Variants in ZNF76 observed in about 807,000 individuals in gnomAD.
ZNF76 encodes zinc finger protein 76, also known as zinc finger protein 523.
A neutral mutation model predicts 66.9 loss-of-function variants in ZNF76; 66 were observed. The observed-to-expected ratio is 0.99, with a 90% CI of 0.81 to 1.21. The LOEUF is 1.21. Ranked by LOEUF, ZNF76 falls within the 50% of genes most tolerant of loss-of-function variation. The pLI is 0.00. For synonymous variants in ZNF76, 275 were observed against 296.1 expected, an observed-to-expected ratio of 0.93 and a Z score of 0.73; for missense variants, 729 against 760.3, an observed-to-expected ratio of 0.96 and a Z score of 0.48.
At position 35,272,509 on chromosome 6, in the gene ZNF76, G is replaced by GTGTGTGTGTGTA. The variant is rs1357691368; in HGVS notation, c.-96-8544_-96-8543insGTGTGTGTATGT. Among the ~76,000 whole-genome samples the GTGTGTGTGTGTA allele has an allele frequency of 4.5e-3, 500 of 112,278 alleles. 2 individuals carry two copies. The highest frequency in any genetic ancestry group is 9.7e-3 in the African/African-American group (317 of 32,594). 73.7% of individuals were successfully genotyped at this position (112,278 alleles called of 152,430 possible). ...TGTGTGTGTGTGTGTGTGTGTGTGT[G>GTGTGTGTGTGTA]TGTATGTATATGCACATATATATAT... On this transcript the variant is annotated intron_variant, in intron 1 of 13. Coordinates refer to ENST00000373953, the MANE Select transcript of ZNF76 (RefSeq NM_003427.5).
rs1458248477 is a variant in ZNF76 at position 35,287,736 on chromosome 6, G to A, written c.323G>A (p.Ser108Asn). ...CACCCTGTGGCTGTGCCATCGGAGA[G>A]CACCATCCTGGCCGTACAGACAGAG... Reference protein sequence around the residue: ...IHHPVAVPSESTILAVQTEVG... With the variant: ...IHHPVAVPSENTILAVQTEVG... The change falls in exon 5 of 14, where the codon AGC becomes AAC. Residue 108 changes from serine (S) to asparagine (N), a missense_variant. Physicochemically the swap from Ser to Asn is conservative, Grantham distance 46. Coordinates refer to ENST00000373953, the MANE Select transcript of ZNF76 (RefSeq NM_003427.5). The surrounding 1 kb of genome is among the most constrained non-coding windows in gnomAD (Gnocchi z 4.0). 6.2e-7 allele frequency: 1 copy of A among 1,614,200 alleles called. No homozygotes were observed.
intron 11 of ZNF76, 37 bp downstream of exon 11, chr6:35,293,081 G>A (rs4711413): frequency 0.034 from 54,608 of 1,604,446 alleles, 3,345 homozygotes; most frequent in East Asian, 0.32. Context: ...CATACTAGCT[G>A]GCACTCTCCA....
chr6:35,289,497 A>G (rs1790070890), intron 5 of ZNF76, among the ~76,000 whole-genome samples: 1 of 152,140 alleles, frequency 6.6e-6, no homozygotes, highest in Admixed American at 6.5e-5. Context: ...GAAAGACCAG[A>G]GTGTGATTCT....
At chr6:35,277,059 A>G (rs1788025248) in intron 1 of ZNF76, among the ~76,000 whole-genome samples, 1 of 151,508 alleles carries the variant, frequency 6.6e-6, no homozygotes, top group Non-Finnish European at 1.5e-5. Context: ...TCGGCCTCCC[A>G]AAGTGCTGGG....
chr6:35,260,501 G>C (rs931372444), intron 1 of ZNF76, among the ~76,000 whole-genome samples: 3 of 152,122 alleles, frequency 2.0e-5, no homozygotes, highest in Non-Finnish European at 2.9e-5. Flanking sequence ...CTCTCTCTGC[G>C]ATCCCAGCCC....
chr6:35,292,055 G>T lies in ZNF76; in HGVS notation c.931+318G>T. On this transcript the variant is annotated intron_variant, in intron 9 of 13. Transcript: ENST00000373953. This position sits in a 1 kb window ranked among gnomAD's most constrained non-coding sequence, Gnocchi z 4.7. ...AAAGAGGCCAGGGTCAGGAATGATG[G>T]GGAAGAAGCAGAGTGAACTGTCACC... The T allele has an allele frequency of 6.3e-6, 3 of 476,538 alleles. No homozygotes were observed. The highest frequency in any genetic ancestry group is 4.7e-5 in the South Asian group (2 of 42,896). 29.5% of individuals were successfully genotyped at this position (476,538 alleles called of 1,614,324 possible). A position where few individuals can be genotyped will look rare whatever the true frequency, so the allele number is the denominator to read the frequency against.
At chr6:35,277,962 C>T (rs551346947) in intron 1 of ZNF76, among the ~76,000 whole-genome samples, 1 of 152,042 alleles carries the variant, frequency 6.6e-6, no homozygotes, top group East Asian at 1.9e-4. Flanking sequence ...CAGGTTTATG[C>T]CATTCTTCTG....
In ZNF76 at chr6:35,292,880, G is replaced by A. The variant is rs144616098; in HGVS notation, c.1166-1G>A. ...TGTCAGCCTTGGCTCTCCTCTCCCAGCCGCCTCTGCAGCCGAGGAGAGTCC... is the reference window on the plus strand; with the variant it reads ...TGTCAGCCTTGGCTCTCCTCTCCCAACCGCCTCTGCAGCCGAGGAGAGTCC... On this transcript the variant is annotated splice_acceptor_variant, in intron 10 of 13. Coordinates refer to ENST00000373953, the MANE Select transcript of ZNF76 (RefSeq NM_003427.5). LOFTEE classifies it high-confidence loss of function. This position sits in a 1 kb window ranked among gnomAD's most constrained non-coding sequence, Gnocchi z 4.7. 2.2e-5 allele frequency: 35 copies of A among 1,613,978 alleles called. No individual in the cohort carries two copies. In the African/African-American group the frequency reaches 3.7e-4, roughly 17 times the overall value.
At chr6:35,271,691 A>G (rs116613985) in intron 1 of ZNF76, among the ~76,000 whole-genome samples, 1 of 151,380 alleles carries the variant, frequency 6.6e-6, no homozygotes, top group African/African-American at 2.4e-5. Flanking sequence ...AAAAGAAAAA[A>G]AAATATATAT....
At chr6:35,281,281 G>C in intron 2 of ZNF76, 57 bp downstream of exon 2, 2 of 1,554,816 alleles carry the variant, frequency 1.3e-6, no homozygotes, top group Admixed American at 1.7e-5. Context: ...CTGGAAAGGA[G>C]TGTCCATTTC....
rs1485245106 is a variant in ZNF76, at chr6:35,295,975, C to G, written c.*727C>G. On this transcript the variant is annotated 3_prime_UTR_variant, in exon 14 of 14. Transcript: ENST00000373953. The stretch of plus-strand genomic sequence containing the variant: ...GATGAATGAGTATTTAATAAAAGTT[C>G]CAAATTTCCACCTGGGTCCCTCCAT... 1 of 152,278 alleles carries G rather than the reference C, an allele frequency of 6.6e-6. No individual in the cohort carries two copies. The highest frequency in any genetic ancestry group is 2.4e-5 in the African/African-American group (1 of 41,380). 9.4% of individuals were successfully genotyped at this position (152,278 alleles called of 1,614,324 possible).
At chr6:35,260,532 G>A (rs1785085205) in intron 1 of ZNF76, among the ~76,000 whole-genome samples, 1 of 152,146 alleles carries the variant, frequency 6.6e-6, no homozygotes, top group East Asian at 1.9e-4. Flanking sequence ...ATCAGCACAT[G>A]ACTTACAAGC....
At chr6:35,286,440 C>T (rs375309296) in intron 4 of ZNF76, 41 bp downstream of exon 4, 2 of 1,587,638 alleles carry the variant, frequency 1.3e-6, no homozygotes, top group Non-Finnish European at 1.7e-6. Context: ...GGATGGGAGG[C>T]AGGACTGGAG....
At chr6:35,282,330 A>G (rs1405468119) in intron 2 of ZNF76, among the ~76,000 whole-genome samples, 1 of 151,906 alleles carries the variant, frequency 6.6e-6, no homozygotes, top group Non-Finnish European at 1.5e-5. Context: ...GGTGTTAAAT[A>G]CTATAAAATA....
intron 1 of ZNF76, among the ~76,000 whole-genome samples, chr6:35,260,406 T>C (rs1254289612): frequency 6.6e-6 from 1 of 152,144 alleles, no homozygotes; most frequent in African/African-American, 2.4e-5. Context: ...ACTCACCTTG[T>C]ACACAACCCT....
At chr6:35,271,266 A>G (rs1029675440) in intron 1 of ZNF76, among the ~76,000 whole-genome samples, 8 of 152,236 alleles carry the variant, frequency 5.3e-5, no homozygotes, top group African/African-American at 1.9e-4. Context: ...TTTGGTTGCT[A>G]TTGTCAAACT....
chr6:35,273,146 ACT>A (rs1787365473), intron 1 of ZNF76, among the ~76,000 whole-genome samples: 2 of 149,848 alleles, frequency 1.3e-5, no homozygotes, highest in African/African-American at 4.9e-5. Flanking sequence ...ACAGAGTGAG[ACT>A]CTGTCTCAGA....
intron 5 of ZNF76, among the ~76,000 whole-genome samples, chr6:35,289,635 A>G (rs1419531203): frequency 6.6e-6 from 1 of 152,112 alleles, no homozygotes; most frequent in African/African-American, 2.4e-5. Context: ...AATATCCCAG[A>G]AGAGGAGACA....
At chr6:35,284,343 C>G (rs1393525368) in intron 2 of ZNF76, among the ~76,000 whole-genome samples, 1 of 152,152 alleles carries the variant, frequency 6.6e-6, no homozygotes, top group Non-Finnish European at 1.5e-5. Context: ...ATCCGCCTGC[C>G]TCAGCCTCCC....
Sources: allele counts gnomAD v4.1 joint callset (sites outside exome capture counted in the v4.1 genomes callset), GRCh38; gene constraint gnomAD v4.1.1; non-coding constraint Gnocchi (gnomAD v3.1); transcripts MANE v1.5; gene names NCBI Gene and HGNC (gene_info 2026-07-23, HGNC 2026-07-21).